Variants in CTNNA3 observed in about 807,000 individuals in gnomAD.
CTNNA3 encodes catenin alpha 3.
In CTNNA3, 76 loss-of-function variants were observed where a neutral mutation model predicts 95.7. The observed-to-expected ratio is 0.79, with a 90% CI of 0.66 to 0.96. CTNNA3 has a LOEUF of 0.96. Ranked by LOEUF, CTNNA3 falls within the 40% of genes least tolerant of loss-of-function variation. CTNNA3 has a pLI of 0.00. For missense variants in CTNNA3, 1,191 were observed against 1,089.8 expected, an observed-to-expected ratio of 1.09 and a Z score of -1.31; for synonymous variants, 431 against 374.4, an observed-to-expected ratio of 1.15 and a Z score of -1.74.
At chr10:66,539,567 C>T (rs1293889404) in intron 10 of CTNNA3, among the ~76,000 whole-genome samples, 1 of 151,984 alleles carries the variant, frequency 6.6e-6, no homozygotes, top group East Asian at 1.9e-4. Context: ...ATATGAGAGG[C>T]CAGCAAAAAT....
chr10:66,520,867 C>G (rs1395298987), intron 10 of CTNNA3, 94 bp from the exon 11 acceptor site: 1 of 636,336 alleles, frequency 1.6e-6, no homozygotes. Flanking sequence ...CACCACTATG[C>G]AATATATTCA....
chr10:67,177,023 G>C (rs766412149), intron 7 of CTNNA3: 9 of 469,184 alleles, frequency 1.9e-5, no homozygotes, highest in South Asian at 1.4e-4. Context: ...GACACTAAGT[G>C]TGTGGTAATT....
intron 3 of CTNNA3, among the ~76,000 whole-genome samples, chr10:67,596,157 G>C (rs1009021000): frequency 1.3e-5 from 2 of 152,138 alleles, no homozygotes; most frequent in African/African-American, 4.8e-5. Flanking sequence ...GTGCAGATTT[G>C]ATCCTGCCAT....
chr10:66,670,963 C>G (rs935886364), intron 9 of CTNNA3, among the ~76,000 whole-genome samples: 1 of 152,138 alleles, frequency 6.6e-6, no homozygotes, highest in Non-Finnish European at 1.5e-5. Context: ...TAAAGCTTTT[C>G]TATTAGAAGT....
intron 15 of CTNNA3, among the ~76,000 whole-genome samples, chr10:65,991,184 T>C (rs1347211892): frequency 6.6e-6 from 1 of 152,090 alleles, no homozygotes; most frequent in Non-Finnish European, 1.5e-5. Context: ...CCAGGTAGTA[T>C]GATGTGTTGT....
intron 5 of CTNNA3, among the ~76,000 whole-genome samples, chr10:67,351,611 G>A (rs9414953): frequency 0.89 from 135,004 of 151,998 alleles, 61,069 homozygotes; most frequent in East Asian, 1. Flanking sequence ...CTGAATAGCT[G>A]TAAAATGTTT....
At chr10:66,961,135 C>T (rs1849088887) in intron 7 of CTNNA3, among the ~76,000 whole-genome samples, 1 of 152,132 alleles carries the variant, frequency 6.6e-6, no homozygotes, top group African/African-American at 2.4e-5. Flanking sequence ...AAACTGCCAT[C>T]ATTTCAAAAA....
At chr10:66,631,961 GTTA>G (rs138723470) in intron 9 of CTNNA3, among the ~76,000 whole-genome samples, 56,405 of 151,208 alleles carry the variant, frequency 0.37, 10,661 homozygotes, top group Middle Eastern at 0.5. Flanking sequence ...GACAAAATTT[GTTA>G]TTATAGCAAC....
chr10:66,426,171 C>T (rs768332620), intron 11 of CTNNA3, among the ~76,000 whole-genome samples: 4 of 151,784 alleles, frequency 2.6e-5, no homozygotes, highest in Admixed American at 6.6e-5. Context: ...TGGTCATTTC[C>T]GTATTTGTTC....
intron 7 of CTNNA3, among the ~76,000 whole-genome samples, chr10:66,878,082 A>G (rs1025077573): frequency 3.9e-5 from 6 of 152,132 alleles, no homozygotes; most frequent in Non-Finnish European, 8.8e-5. Context: ...AAGGAAAGCA[A>G]TAGCTTGGAT....
At chr10:66,612,965 A>AG (rs1254205923) in intron 10 of CTNNA3, among the ~76,000 whole-genome samples, 5 of 152,092 alleles carry the variant, frequency 3.3e-5, no homozygotes, top group Non-Finnish European at 7.4e-5. Flanking sequence ...AATTTTGATT[A>AG]TAAACTTAAT....
intron 11 of CTNNA3, among the ~76,000 whole-genome samples, chr10:66,420,798 C>CAAATAAAT (rs547995552): frequency 0.012 from 1,378 of 115,254 alleles, 24 homozygotes; most frequent in East Asian, 0.053. Context: ...GACTCTGTCT[C>CAAATAAAT]AAATAAATAA....
At chr10:67,503,887 G>A (rs563895703) in intron 5 of CTNNA3, among the ~76,000 whole-genome samples, 28 of 152,314 alleles carry the variant, frequency 1.8e-4, no homozygotes, top group South Asian at 6.2e-4. Context: ...GCCAGGCGCG[G>A]TGGCTCATGC....
At chr10:65,972,079 T>C (rs1176929077) in intron 16 of CTNNA3, among the ~76,000 whole-genome samples, 1 of 152,100 alleles carries the variant, frequency 6.6e-6, no homozygotes, top group African/African-American at 2.4e-5. Context: ...TTTCAACAGA[T>C]GTGGGAAAAG....
intron 15 of CTNNA3, among the ~76,000 whole-genome samples, chr10:66,038,587 G>A (rs1903868): frequency 0.45 from 68,448 of 152,030 alleles, 15,679 homozygotes; most frequent in Admixed American, 0.55. Context: ...AGGACCTGCT[G>A]AGTCAATTTC....
Position 67,395,335 on chromosome 10 carries a change from G to T in CTNNA3, c.579+126507C>A, listed in dbSNP as rs114206284. Among the ~76,000 whole-genome samples, 540 of 152,258 alleles carry T rather than the reference G, an allele frequency of 3.5e-3. 5 individuals carry two copies. The highest frequency in any genetic ancestry group is 0.012 in the African/African-American group (517 of 41,556). On this transcript the variant is annotated intron_variant, in intron 5 of 17. Transcript: ENST00000433211. ...CTTTCTGTTAGGAGAAAAACTGTAA[G>T]GGACACCACAGGAAGGAGCCATTTA...
intron 9 of CTNNA3, among the ~76,000 whole-genome samples, chr10:66,650,608 T>C (rs894000759): frequency 6.6e-6 from 1 of 152,076 alleles, no homozygotes; most frequent in Non-Finnish European, 1.5e-5. Flanking sequence ...GTGTCCGGAG[T>C]TCATTCCTTC....
chr10:66,843,619 A>G (rs916994588), intron 7 of CTNNA3, among the ~76,000 whole-genome samples: 1 of 152,344 alleles, frequency 6.6e-6, no homozygotes, highest in East Asian at 1.9e-4. Flanking sequence ...CAGAGTAGGG[A>G]AAGCATCTTG....
chr10:66,030,765 T>C lies in CTNNA3; in HGVS notation c.2159+38543A>G, dbSNP rs533243437. On this transcript the variant is annotated intron_variant, in intron 15 of 17. Transcript: ENST00000433211. ...CAAAATAAATTACCAACAGATAACCTACAGAATGGAGTAAAATATTCAAAA... is the reference window on the plus strand; with the variant it reads ...CAAAATAAATTACCAACAGATAACCCACAGAATGGAGTAAAATATTCAAAA... 5.3e-5 allele frequency among the ~76,000 whole-genome samples: 8 copies of C among 152,168 alleles called. No homozygotes were observed. The East Asian group carries it at 1.5e-3, about 29-fold the overall frequency.
Sources: allele counts gnomAD v4.1 joint callset (sites outside exome capture counted in the v4.1 genomes callset), GRCh38; gene constraint gnomAD v4.1.1; transcripts MANE v1.5; gene names NCBI Gene and HGNC (gene_info 2026-07-23, HGNC 2026-07-21).